RTTN: variants seen among roughly 807,000 people sequenced by gnomAD.
RTTN encodes rotatin.
RTTN carries 182 observed loss-of-function variants against 269.2 expected under a neutral mutation model. The ratio of observed to expected loss-of-function variants is 0.68; its 90% CI spans 0.60 to 0.76. The LOEUF is 0.76. Among genes scored for constraint, RTTN ranks in the 30% least tolerant of loss-of-function variants. The pLI, the probability that RTTN is intolerant of heterozygous loss-of-function variation, is 0.00. For missense variants in RTTN, 2,545 were observed against 2,608.6 expected, an observed-to-expected ratio of 0.98 and a Z score of 0.53; for synonymous variants, 1,006 against 963.5, an observed-to-expected ratio of 1.04 and a Z score of -0.82.
chr18:70,205,443 T>C lies in RTTN; in HGVS notation c.32-128A>G, dbSNP rs1568570764. 3 of 1,385,960 alleles carry C rather than the reference T, an allele frequency of 2.2e-6. No homozygotes were observed. The East Asian group carries it at 6.9e-5, about 32-fold the overall frequency. The allele number at this position is 1,385,960 out of a possible 1,614,324, so 85.9% of individuals were successfully genotyped here. A position where few individuals can be genotyped will look rare whatever the true frequency, so the allele number is the denominator to read the frequency against. On this transcript the variant is annotated intron_variant, in intron 1 of 48. Transcript: ENST00000640769. The stretch of plus-strand genomic sequence containing the variant: ...TTTTCAGAAGCAGGCCACTGGTGCC[T>C]TCGGGACGCGAACCGCGAAGTTTAC...
intron 10 of RTTN, among the ~76,000 whole-genome samples, chr18:70,186,080 CAA>C (rs59754982): frequency 1.2e-4 from 13 of 112,552 alleles, no homozygotes; most frequent in East Asian, 2.6e-4. Context: ...CTCTCCCCCC[CAA>C]AAAAAAAAAA....
intron 32 of RTTN, among the ~76,000 whole-genome samples, chr18:70,076,885 T>C (rs894253350): frequency 4.5e-5 from 5 of 110,968 alleles, no homozygotes; most frequent in African/African-American, 1.5e-4. Context: ...TTTTATTATA[T>C]AGAATGAAGT....
At chr18:70,156,755 AAAG>A (rs928495877) in intron 14 of RTTN, among the ~76,000 whole-genome samples, 1 of 152,190 alleles carries the variant, frequency 6.6e-6, no homozygotes, top group African/African-American at 2.4e-5. Context: ...GGAAAACAGA[AAAG>A]AAACTACGTG....
intron 39 of RTTN, 32 bp from the exon 40 acceptor site, chr18:70,048,220 A>G: frequency 1.3e-6 from 2 of 1,574,900 alleles, no homozygotes; most frequent in South Asian, 2.3e-5. Context: ...TGAATGTTTG[A>G]AAATTTCTTC....
At chr18:70,177,911 C>T (rs1209287461) in intron 10 of RTTN, among the ~76,000 whole-genome samples, 4 of 152,110 alleles carry the variant, frequency 2.6e-5, no homozygotes, top group African/African-American at 9.7e-5. Flanking sequence ...ATCATATGAT[C>T]CAGCAAATTC....
chr18:70,177,500 A>C (rs2061331368), intron 10 of RTTN, among the ~76,000 whole-genome samples: 1 of 152,202 alleles, frequency 6.6e-6, no homozygotes, highest in Admixed American at 6.5e-5. Context: ...AATATGAAGA[A>C]GAATCTATGC....
rs561209697 is a variant in RTTN at position 70,191,604 on chromosome 18, G to C, written c.1008-885C>G. Among the ~76,000 whole-genome samples the C allele has an allele frequency of 4.6e-5, 7 of 152,302 alleles. No individual in the cohort carries two copies. The South Asian group carries it at 1.4e-3, about 32-fold the overall frequency. On this transcript the variant is annotated intron_variant, in intron 8 of 48. Transcript: ENST00000640769. ...TCTTCATTAAAAAGTTCTTACCTCG[G>C]ATGTAAAGTGCTGGAGTAAGGATTT...
intron 10 of RTTN, among the ~76,000 whole-genome samples, chr18:70,181,926 T>C (rs956578994): frequency 4.6e-5 from 7 of 152,178 alleles, no homozygotes; most frequent in African/African-American, 1.4e-4. Context: ...AAATAATTCA[T>C]TGAATCATAA....
At chr18:70,111,176 C>A (rs1305850290) in intron 27 of RTTN, among the ~76,000 whole-genome samples, 1 of 152,230 alleles carries the variant, frequency 6.6e-6, no homozygotes, top group East Asian at 1.9e-4. Context: ...CTGAAGAGAG[C>A]AGTGGACCTC....
chr18:70,025,567 T>C (rs2056830966), intron 43 of RTTN, among the ~76,000 whole-genome samples: 1 of 152,142 alleles, frequency 6.6e-6, no homozygotes. Flanking sequence ...AGAAGAGAAG[T>C]GATTCCCAAT....
intron 25 of RTTN, among the ~76,000 whole-genome samples, chr18:70,125,892 G>A (rs2059852298): frequency 6.6e-6 from 1 of 152,006 alleles, no homozygotes; most frequent in Admixed American, 6.6e-5. Flanking sequence ...ATGAAAAAAG[G>A]TGGATTCTGT....
intron 34 of RTTN, among the ~76,000 whole-genome samples, chr18:70,068,799 C>T (rs926424718): frequency 6.6e-6 from 1 of 152,162 alleles, no homozygotes; most frequent in Non-Finnish European, 1.5e-5. Context: ...ACTTTTCCCT[C>T]GCTTTCACAT....
In RTTN at chr18:70,197,321, T is replaced by C. The variant is rs62089142; in HGVS notation, c.693+303A>G. ...GATACTCAAGAAGCAATGCTATTCT[T>C]ACTTTTAATAAGGGCTCCTGCACAA... On this transcript the variant is annotated intron_variant, in intron 6 of 48. Coordinates refer to ENST00000640769, the MANE Select transcript of RTTN (RefSeq NM_173630.4). 2.8e-3 allele frequency among the ~76,000 whole-genome samples: 431 copies of C among 152,366 alleles called. 3 individuals are homozygous for C. Among genetic ancestry groups the C allele is most frequent in the Non-Finnish European group, 4.7e-3 (317 of 68,042 alleles).
At chr18:70,203,984 G>A in intron 3 of RTTN, 102 bp downstream of exon 3, 2 of 865,694 alleles carry the variant, frequency 2.3e-6, no homozygotes, top group Non-Finnish European at 3.5e-6. Context: ...ATAAGTTTGG[G>A]GGAGGTGGGA....
Position 70,048,175 on chromosome 18 carries a change from T to A in RTTN, c.5337A>T (p.Thr1779=). 1 of 1,612,766 alleles carries A rather than the reference T, an allele frequency of 6.2e-7. No homozygotes were observed. Among genetic ancestry groups the A allele is most frequent in the Non-Finnish European group, 8.5e-7 (1 of 1,178,888 alleles). The change falls in exon 40 of 49, where the codon ACA becomes ACT. Residue 1779 remains threonine (T), a synonymous_variant. Coordinates refer to ENST00000640769, the MANE Select transcript of RTTN (RefSeq NM_173630.4). ...GACACGTGGCAGACAAGCCTGCACATGTGCAGAACATATCTAAAGGAATAA... is the reference window on the plus strand; with the variant it reads ...GACACGTGGCAGACAAGCCTGCACAAGTGCAGAACATATCTAAAGGAATAA... The part of the protein sequence containing the change: ...HWTAAIDMFC[T]CAGLSATCPA...
intron 14 of RTTN, among the ~76,000 whole-genome samples, chr18:70,158,132 C>G (rs1473218868): frequency 6.6e-6 from 1 of 151,814 alleles, no homozygotes; most frequent in Non-Finnish European, 1.5e-5. Context: ...ATGACCACCC[C>G]CAAGACACAT....
rs764438102 is a variant in RTTN at position 70,168,896 on chromosome 18, T to C, written c.1648A>G (p.Ile550Val). ...YKRTAEAVYS[I>V]ECTCNFLSDI... ...GACAGGAAGTTACAGGTGCATTCAA[T>C]TGAATAAACGGCCTCTGCAGTTCGT... Residue 550 changes from isoleucine (I) to valine (V), a missense_variant, in exon 12 of 49, where the codon ATT becomes GTT. By Grantham distance (29) the Ile-to-Val change is conservative. Coordinates refer to ENST00000640769, the MANE Select transcript of RTTN (RefSeq NM_173630.4). 8.7e-6 allele frequency: 14 copies of C among 1,613,174 alleles called. No individual in the cohort carries two copies. The highest frequency in any genetic ancestry group is 7.7e-5 in the South Asian group (7 of 90,828).
intron 23 of RTTN, chr18:70,130,721 T>C (rs1459030098): frequency 2.6e-5 from 4 of 151,876 alleles, no homozygotes; most frequent in African/African-American, 9.7e-5. Flanking sequence ...TAGTGTTCAG[T>C]AGCACAATAG....
intron 32 of RTTN, among the ~76,000 whole-genome samples, chr18:70,076,887 GA>G (rs2058442184): frequency 9.3e-6 from 1 of 108,078 alleles, no homozygotes; most frequent in African/African-American, 3.1e-5. Flanking sequence ...TTATTATATA[GA>G]ATGAAGTATT....
Sources: gnomAD v4.1 joint callset for allele counts (sites outside exome capture counted in the v4.1 genomes callset) on GRCh38, gnomAD v4.1.1 for gene constraint, MANE v1.5 for transcripts, NCBI Gene and HGNC (gene_info 2026-07-23, HGNC 2026-07-21) for gene names.